Variants in ULK4 observed in about 807,000 individuals in gnomAD.
ULK4 encodes inactive serine/threonine-protein kinase ULK4.
ULK4 carries 133 observed loss-of-function variants against 160.6 expected under a neutral mutation model. That is an observed-to-expected ratio of 0.83 (90% confidence interval 0.72 to 0.96). The LOEUF is 0.96. ULK4 is among the 40% of genes least tolerant of loss of function. The pLI, the probability that ULK4 is intolerant of heterozygous loss-of-function variation, is 0.00. For missense variants in ULK4, 1,580 were observed against 1,499.5 expected, an observed-to-expected ratio of 1.05 and a Z score of -0.89; for synonymous variants, 534 against 539.8, an observed-to-expected ratio of 0.99 and a Z score of 0.15.
At chr3:41,555,050 G>A (rs2087235692) in intron 32 of ULK4, among the ~76,000 whole-genome samples, 2 of 151,988 alleles carry the variant, frequency 1.3e-5, no homozygotes, top group South Asian at 4.2e-4. Context: ...TCAGAGTTAA[G>A]CATCATACTC....
At chr3:41,711,235 G>A (rs1261757186) in intron 25 of ULK4, among the ~76,000 whole-genome samples, 3 of 152,226 alleles carry the variant, frequency 2.0e-5, no homozygotes, top group Non-Finnish European at 4.4e-5. Flanking sequence ...GAAATCTGCA[G>A]ATGACCACAA....
chr3:41,832,171 A>T (rs779648842), intron 18 of ULK4, among the ~76,000 whole-genome samples: 1 of 152,182 alleles, frequency 6.6e-6, no homozygotes, highest in Non-Finnish European at 1.5e-5. Flanking sequence ...GTCCAAAAGC[A>T]TTCTTATTTC....
intron 19 of ULK4, 116 bp from the exon 20 acceptor site, chr3:41,800,409 T>C (rs2040424302): frequency 2.1e-6 from 2 of 952,228 alleles, no homozygotes; most frequent in Non-Finnish European, 3.1e-6. Context: ...TCTGGATGTG[T>C]TAGGCAACTT....
At chr3:41,557,068 A>G (rs1461441140) in intron 32 of ULK4, among the ~76,000 whole-genome samples, 62 of 152,222 alleles carry the variant, frequency 4.1e-4, no homozygotes. Context: ...GGATGGGTTC[A>G]ATATTAGGTA....
chr3:41,899,599 A>AT (rs551848166), intron 13 of ULK4, among the ~76,000 whole-genome samples: 48 of 151,574 alleles, frequency 3.2e-4, no homozygotes, highest in South Asian at 2.7e-3. Context: ...ACATTGTAAG[A>AT]TTTTTTTTTG....
At chr3:41,258,499 T>G (rs1019017554) in intron 35 of ULK4, 1 of 152,170 alleles carries the variant, frequency 6.6e-6, no homozygotes, top group Non-Finnish European at 1.5e-5. Context: ...GCACAATACC[T>G]TCTTCCCAAA....
At chr3:41,398,326 AAC>A (rs1472934933) in intron 34 of ULK4, 62 bp from the exon 35 acceptor site, 8 of 1,561,492 alleles carry the variant, frequency 5.1e-6, no homozygotes, top group Middle Eastern at 1.7e-4. Flanking sequence ...ACTCAAAAAA[AAC>A]ACAGTAAAAT....
intron 31 of ULK4, among the ~76,000 whole-genome samples, chr3:41,599,587 C>A (rs577578530): frequency 1.2e-4 from 15 of 126,110 alleles, no homozygotes; most frequent in Non-Finnish European, 1.3e-4. Flanking sequence ...TTTTTTGAGA[C>A]GGAGTCTTGC....
intron 19 of ULK4, among the ~76,000 whole-genome samples, chr3:41,804,965 G>T (rs1422656215): frequency 1.3e-5 from 2 of 152,088 alleles, no homozygotes; most frequent in Non-Finnish European, 2.9e-5. Flanking sequence ...TGGCGATGCG[G>T]GCTCTTTTTT....
intron 19 of ULK4, among the ~76,000 whole-genome samples, chr3:41,810,046 C>A (rs562251266): frequency 1.3e-5 from 2 of 152,178 alleles, no homozygotes. Flanking sequence ...TATTACTTAA[C>A]TTAGCTCTCC....
intron 35 of ULK4, among the ~76,000 whole-genome samples, chr3:41,250,383 C>CATTTCAGAATGTA (rs1423074279): frequency 6.6e-6 from 1 of 152,232 alleles, no homozygotes; most frequent in African/African-American, 2.4e-5. Flanking sequence ...TGGCACTTTA[C>CATTTCAGAATGTA]ATTTCAGAAT....
chr3:41,793,721 C>A (rs1362643967), intron 20 of ULK4, among the ~76,000 whole-genome samples: 1 of 152,210 alleles, frequency 6.6e-6, no homozygotes, highest in Non-Finnish European at 1.5e-5. Context: ...TTTACTCAAT[C>A]TAACTCTACA....
rs1460275330 is a variant in ULK4, at chr3:41,929,841, CACAA to C, written c.541+1999_541+2002del. On this transcript the variant is annotated intron_variant, in intron 5 of 36. Coordinates refer to ENST00000301831, the MANE Select transcript of ULK4 (RefSeq NM_017886.4). ...CTCTGCTCAAAGAAATAAGAGAGGA[CACAA>C]ACAAATGGAAAAAAATTCTATCCTC... is the stretch of plus-strand genomic sequence containing the variant. Among the ~76,000 whole-genome samples, 5 of 151,894 alleles carry C rather than the reference CACAA, an allele frequency of 3.3e-5. No homozygotes were observed. The East Asian group carries it at 9.6e-4, about 29-fold the overall frequency.
chr3:41,907,248 T>C (rs1698603415), intron 12 of ULK4, among the ~76,000 whole-genome samples: 1 of 151,982 alleles, frequency 6.6e-6, no homozygotes, highest in African/African-American at 2.4e-5. Flanking sequence ...ACTGTGGTGA[T>C]AGTTGCACAC....
intron 17 of ULK4, among the ~76,000 whole-genome samples, chr3:41,842,296 AC>A (rs1319852758): frequency 6.6e-6 from 1 of 151,868 alleles, no homozygotes; most frequent in Admixed American, 6.6e-5. Flanking sequence ...ACAGAGTGAA[AC>A]CCCCATATAA....
At chr3:41,276,093 A>G (rs893709319) in intron 35 of ULK4, among the ~76,000 whole-genome samples, 1 of 152,242 alleles carries the variant, frequency 6.6e-6, no homozygotes, top group African/African-American at 2.4e-5. Flanking sequence ...AAAATGAGCT[A>G]GAGAATATGT....
rs566491540 is a variant in ULK4, at chr3:41,756,476, T to A, written c.2194-1988A>T. 9.6e-4 allele frequency among the ~76,000 whole-genome samples: 146 copies of A among 152,270 alleles called. 1 individual carries two copies. The highest frequency in any genetic ancestry group is 3.4e-3 in the Middle Eastern group (1 of 294). Reference sequence around the variant, plus strand: ...TTTTCATTATCTTCCCAAAATCATGTATCATACCATCAACTCCACTGAATA... The same window carrying A: ...TTTTCATTATCTTCCCAAAATCATGAATCATACCATCAACTCCACTGAATA... On this transcript the variant is annotated intron_variant, in intron 21 of 36. Transcript: ENST00000301831.
chr3:41,938,025 A>G lies in ULK4; in HGVS notation c.238+73T>C, dbSNP rs566085366. 4 of 1,200,490 alleles carry G rather than the reference A, an allele frequency of 3.3e-6. No individual in the cohort carries two copies. The South Asian group carries it at 7.3e-5, about 22-fold the overall frequency. 74.4% of individuals were successfully genotyped at this position (1,200,490 alleles called of 1,614,324 possible). On this transcript the variant is annotated intron_variant, in intron 3 of 36. Transcript: ENST00000301831. The stretch of plus-strand genomic sequence containing the variant: ...CAAGTTAACATAGTAAATAACATCA[A>G]AAGTAACAAAACTTAACAGCATGTT...
Position 41,713,489 on chromosome 3 carries a change from A to G in ULK4, c.2634+1748T>C, listed in dbSNP as rs535716034. Among the ~76,000 whole-genome samples the G allele has an allele frequency of 3.9e-5, 6 of 152,304 alleles. No individual in the cohort carries two copies. In the South Asian group the frequency reaches 1.0e-3, roughly 26 times the overall value. Reference sequence around the variant, plus strand: ...CAGTTAAGGCCAACAAACAAACACAATAAGAAAAATAATTCAAGAATTCTG... The same window carrying G: ...CAGTTAAGGCCAACAAACAAACACAGTAAGAAAAATAATTCAAGAATTCTG... On this transcript the variant is annotated intron_variant, in intron 25 of 36. Coordinates refer to ENST00000301831, the MANE Select transcript of ULK4 (RefSeq NM_017886.4).
Sources: allele counts gnomAD v4.1 joint callset (sites outside exome capture counted in the v4.1 genomes callset), GRCh38; gene constraint gnomAD v4.1.1; transcripts MANE v1.5; gene names NCBI Gene and HGNC (gene_info 2026-07-23, HGNC 2026-07-21).